DYM: variants seen among roughly 807,000 people sequenced by gnomAD.
DYM encodes dyggve-Melchior-Clausen syndrome protein.
In DYM, 78 loss-of-function variants were observed where a neutral mutation model predicts 93.1. The ratio of observed to expected loss-of-function variants is 0.84; its 90% CI spans 0.70 to 1.01. The LOEUF is 1.01. Among genes scored for constraint, DYM ranks in the 50% least tolerant of loss-of-function variants. The pLI is 0.00. For synonymous variants in DYM, 321 were observed against 319.7 expected, an observed-to-expected ratio of 1.00 and a Z score of -0.04; for missense variants, 789 against 845.0, an observed-to-expected ratio of 0.93 and a Z score of 0.82.
intron 8 of DYM, among the ~76,000 whole-genome samples, chr18:49,306,954 A>G (rs1282308046): frequency 6.6e-6 from 1 of 152,182 alleles, no homozygotes; most frequent in East Asian, 1.9e-4. Flanking sequence ...AGGGAGAAGT[A>G]TAATACATGG....
Position 49,272,242 on chromosome 18 carries a change from A to G in DYM, c.1187T>C (p.Met396Thr), listed in dbSNP as rs2145538817. Residue 396 changes from methionine (M) to threonine (T), a missense_variant, in exon 11 of 18, where the codon ATG becomes ACG. Physicochemically the swap from Met to Thr is moderately conservative, Grantham distance 81. Transcript: ENST00000675505. Reference sequence around the variant, plus strand: ...AAGGATCAACAATATTATAAGGGCCATATACACATGGTGTGAATTCCTTTC... The same window carrying G: ...AAGGATCAACAATATTATAAGGGCCGTATACACATGGTGTGAATTCCTTTC... ...VEERNSHHVY[M>T]ALIILLILTE... 1.3e-6 allele frequency: 2 copies of G among 1,599,934 alleles called. No homozygotes were observed. The highest frequency in any genetic ancestry group is 1.7e-5 in the Admixed American group (1 of 59,906).
intron 13 of DYM, among the ~76,000 whole-genome samples, chr18:49,227,685 G>T (rs1318921288): frequency 6.6e-6 from 1 of 152,142 alleles, no homozygotes; most frequent in Non-Finnish European, 1.5e-5. Flanking sequence ...ATTGAAGCTT[G>T]CTGAGGTGGA....
At chr18:49,382,377 T>C (rs2068128983) in intron 3 of DYM, among the ~76,000 whole-genome samples, 3 of 152,220 alleles carry the variant, frequency 2.0e-5, no homozygotes, top group Admixed American at 6.5e-5. Context: ...CTCTTTTGGA[T>C]AAGATGAAGA....
chr18:49,195,058 T>C (rs1247935789), intron 14 of DYM, among the ~76,000 whole-genome samples: 4 of 152,164 alleles, frequency 2.6e-5, no homozygotes, highest in Non-Finnish European at 5.9e-5. Flanking sequence ...TAAAATAATT[T>C]TGCTTTCCCT....
At chr18:49,290,765 T>G (rs891246622) in intron 8 of DYM, among the ~76,000 whole-genome samples, 1 of 152,106 alleles carries the variant, frequency 6.6e-6, no homozygotes, top group Non-Finnish European at 1.5e-5. Context: ...CTGTAGACAG[T>G]GGTCATTCGT....
At chr18:49,392,953 C>T (rs1219192533) in intron 2 of DYM, among the ~76,000 whole-genome samples, 5 of 146,636 alleles carry the variant, frequency 3.4e-5, no homozygotes, top group Non-Finnish European at 6.0e-5. Flanking sequence ...CAAGATCGTG[C>T]CACTGCACTC....
At chr18:49,133,279 T>C (rs150716174) in intron 15 of DYM, among the ~76,000 whole-genome samples, 40 of 152,282 alleles carry the variant, frequency 2.6e-4, no homozygotes, top group African/African-American at 8.9e-4. Context: ...AATAAGACCA[T>C]GCCCACGGAT....
intron 8 of DYM, among the ~76,000 whole-genome samples, chr18:49,307,506 AAAG>A (rs1226987568): frequency 1.3e-5 from 2 of 152,194 alleles, no homozygotes; most frequent in African/African-American, 4.8e-5. Context: ...ACCTGGTTAC[AAAG>A]AAGAATGAGA....
At chr18:49,282,244 G>C (rs2095005082) in intron 9 of DYM, 69 bp from the exon 10 acceptor site, 2 of 1,351,652 alleles carry the variant, frequency 1.5e-6, no homozygotes, top group East Asian at 2.4e-5. Context: ...TATTGTTAAA[G>C]TAATGTGTAC....
chr18:49,174,554 C>T (rs1367465741), intron 14 of DYM, among the ~76,000 whole-genome samples: 1 of 151,922 alleles, frequency 6.6e-6, no homozygotes, highest in African/African-American at 2.4e-5. Flanking sequence ...TCACTCTCAC[C>T]CCCTACTTTC....
At chr18:49,186,890 A>G (rs931930016) in intron 14 of DYM, among the ~76,000 whole-genome samples, 11 of 151,276 alleles carry the variant, frequency 7.3e-5, no homozygotes, top group Non-Finnish European at 2.9e-5. Context: ...CAAAAGGGAG[A>G]TCATATATTC....
At chr18:49,053,963 C>G (rs2075250673) in intron 17 of DYM, among the ~76,000 whole-genome samples, 1 of 152,228 alleles carries the variant, frequency 6.6e-6, no homozygotes, top group South Asian at 2.1e-4. Context: ...GGGTGGTGCT[C>G]CCGGACGATG....
chr18:49,277,505 A>C (rs939989110), intron 10 of DYM, among the ~76,000 whole-genome samples: 1 of 152,058 alleles, frequency 6.6e-6, no homozygotes, highest in Non-Finnish European at 1.5e-5. Context: ...GTATGTTAAA[A>C]CCCTAACCCA....
intron 14 of DYM, among the ~76,000 whole-genome samples, chr18:49,167,411 A>T (rs2088045340): frequency 6.6e-6 from 1 of 152,192 alleles, no homozygotes; most frequent in Non-Finnish European, 1.5e-5. Context: ...AGATCATTTG[A>T]GGTCACATTC....
At chr18:49,163,024 T>G (rs1019780453) in intron 15 of DYM, among the ~76,000 whole-genome samples, 1 of 152,210 alleles carries the variant, frequency 6.6e-6, no homozygotes, top group Admixed American at 6.5e-5. Flanking sequence ...GAAATCCAGG[T>G]GTACTTGCTC....
intron 8 of DYM, among the ~76,000 whole-genome samples, chr18:49,321,757 G>GA (rs894002230): frequency 1.3e-5 from 2 of 151,740 alleles, no homozygotes; most frequent in Non-Finnish European, 2.9e-5. Flanking sequence ...CCTGAAAAGG[G>GA]GGGGAAAAAA....
At chr18:49,230,769 A>T (rs1381755338) in intron 13 of DYM, among the ~76,000 whole-genome samples, 2 of 152,244 alleles carry the variant, frequency 1.3e-5, no homozygotes, top group African/African-American at 4.8e-5. Context: ...CATACGCCTT[A>T]TAATTAATAA....
chr18:49,413,672 C>G (rs1216053707), intron 2 of DYM, among the ~76,000 whole-genome samples: 3 of 152,032 alleles, frequency 2.0e-5, no homozygotes, highest in Non-Finnish European at 4.4e-5. Context: ...GGTAATTAGT[C>G]AGACTTAAGG....
intron 10 of DYM, among the ~76,000 whole-genome samples, chr18:49,275,724 T>C (rs1046809653): frequency 1.8e-4 from 27 of 152,064 alleles, no homozygotes; most frequent in African/African-American, 6.5e-4. Flanking sequence ...CTCTATTTTT[T>C]TTATGTTGCA....
Sources: gnomAD v4.1 joint callset for allele counts (sites outside exome capture counted in the v4.1 genomes callset) on GRCh38, gnomAD v4.1.1 for gene constraint, MANE v1.5 for transcripts, NCBI Gene and HGNC (gene_info 2026-07-23, HGNC 2026-07-21) for gene names.